Variants in MDGA2 observed in about 807,000 individuals in gnomAD.
The protein encoded by MDGA2 is MAM domain-containing glycosylphosphatidylinositol anchor protein 2.
In MDGA2, 40 loss-of-function variants were observed where a neutral mutation model predicts 117.8. The observed-to-expected ratio is 0.34, with a 90% CI of 0.26 to 0.44. The LOEUF is 0.44. Ranked by LOEUF, MDGA2 falls within the 20% of genes least tolerant of loss-of-function variation. MDGA2 has a pLI of 1.00. For missense variants in MDGA2, 1,123 were observed against 1,250.6 expected (o/e 0.90, Z 1.54); for synonymous variants, 452 against 439.0 (o/e 1.03, Z -0.37).
intron 1 of MDGA2, among the ~76,000 whole-genome samples, chr14:47,565,889 C>T (rs548405056): frequency 3.3e-5 from 5 of 152,132 alleles, no homozygotes; most frequent in South Asian, 4.1e-4. Flanking sequence ...AATGGGGGTG[C>T]GGATGTCCTT....
intron 8 of MDGA2, among the ~76,000 whole-genome samples, chr14:46,970,336 C>T (rs59434148): frequency 0.12 from 18,022 of 151,960 alleles, 2,039 homozygotes; most frequent in African/African-American, 0.27. Flanking sequence ...AACAGTATAG[C>T]AGTCGTATAA....
At chr14:47,623,241 T>A (rs1352548334) in intron 1 of MDGA2, among the ~76,000 whole-genome samples, 1 of 152,132 alleles carries the variant, frequency 6.6e-6, no homozygotes, top group Non-Finnish European at 1.5e-5. Context: ...AGGCCCTCAC[T>A]AGATGCCAGC....
At chr14:47,401,694 CA>C (rs1892152749) in intron 1 of MDGA2, among the ~76,000 whole-genome samples, 2 of 152,190 alleles carry the variant, frequency 1.3e-5, no homozygotes, top group South Asian at 4.1e-4. Flanking sequence ...TCTACTCAAT[CA>C]GATCAATTCA....
rs527309328 is a variant in MDGA2, at chr14:46,993,294, T to C, written c.1820-35651A>G. ...CAATTTGCCTTCTCTATCAACATTT[T>C]ACTTCCAGAAAGGTTATTTACTTCC... On this transcript the variant is annotated intron_variant, in intron 8 of 16. Coordinates refer to ENST00000399232, the MANE Select transcript of MDGA2 (RefSeq NM_001113498.3). 4.7e-4 allele frequency among the ~76,000 whole-genome samples: 72 copies of C among 152,312 alleles called. 1 individual carries two copies. The highest frequency in any genetic ancestry group is 9.4e-4 in the Non-Finnish European group (64 of 68,020).
chr14:47,360,717 G>C (rs1891101863), intron 1 of MDGA2, among the ~76,000 whole-genome samples: 1 of 152,090 alleles, frequency 6.6e-6, no homozygotes, highest in African/African-American at 2.4e-5. Flanking sequence ...CAATCCCTCT[G>C]TAGATATATA....
intron 3 of MDGA2, among the ~76,000 whole-genome samples, chr14:47,167,143 C>T (rs991310379): frequency 9.2e-5 from 14 of 152,066 alleles, no homozygotes; most frequent in South Asian, 2.1e-4. Flanking sequence ...CTAGAATTAG[C>T]TTCCAAATGC....
chr14:47,102,059 A>ATAGG (rs753635616), intron 5 of MDGA2, among the ~76,000 whole-genome samples: 2 of 152,126 alleles, frequency 1.3e-5, no homozygotes, highest in Non-Finnish European at 1.5e-5. Flanking sequence ...ACCTAACATA[A>ATAGG]TAGGTAAATA....
chr14:47,467,303 C>A (rs1357188102), intron 1 of MDGA2, among the ~76,000 whole-genome samples: 1 of 151,954 alleles, frequency 6.6e-6, no homozygotes, highest in Non-Finnish European at 1.5e-5. Flanking sequence ...GCTGAGATTG[C>A]TATGCTAGAA....
intron 16 of MDGA2, among the ~76,000 whole-genome samples, chr14:46,844,197 G>T (rs76796178): frequency 0.019 from 2,897 of 152,256 alleles, 97 homozygotes; most frequent in African/African-American, 0.066. Context: ...AGCTTGTGGT[G>T]CAGATAGGAG....
At chr14:47,252,736 G>A (rs892774027) in intron 2 of MDGA2, among the ~76,000 whole-genome samples, 1 of 152,140 alleles carries the variant, frequency 6.6e-6, no homozygotes, top group Non-Finnish European at 1.5e-5. Context: ...AACTGGCAAA[G>A]GAGTGAGGAG....
At chr14:47,664,222 G>A (rs1566564819) in intron 1 of MDGA2, among the ~76,000 whole-genome samples, 2 of 152,140 alleles carry the variant, frequency 1.3e-5, no homozygotes, top group African/African-American at 4.8e-5. Flanking sequence ...TACTTAAAGT[G>A]TTTAAAAATA....
At chr14:47,525,767 T>C (rs1264252291) in intron 1 of MDGA2, among the ~76,000 whole-genome samples, 1 of 152,180 alleles carries the variant, frequency 6.6e-6, no homozygotes, top group East Asian at 1.9e-4. Context: ...GCAGCAGTTT[T>C]ATTATGGTGT....
At chr14:47,435,677 A>G (rs925176196) in intron 1 of MDGA2, among the ~76,000 whole-genome samples, 1 of 152,120 alleles carries the variant, frequency 6.6e-6, no homozygotes, top group Non-Finnish European at 1.5e-5. Flanking sequence ...ACAACTCACA[A>G]GTATTAAAGG....
At chr14:47,400,535 C>T (rs1289837693) in intron 1 of MDGA2, among the ~76,000 whole-genome samples, 1 of 151,166 alleles carries the variant, frequency 6.6e-6, no homozygotes, top group Admixed American at 6.6e-5. Context: ...ATGAACAAAA[C>T]GCTGGAAGAA....
chr14:47,213,564 A>C (rs761506272), intron 3 of MDGA2, among the ~76,000 whole-genome samples: 12 of 152,268 alleles, frequency 7.9e-5, no homozygotes, highest in Non-Finnish European at 1.8e-4. Context: ...TTGATCTGCT[A>C]GATAAATACT....
At chr14:47,649,731 T>G (rs1048850022) in intron 1 of MDGA2, among the ~76,000 whole-genome samples, 7 of 151,514 alleles carry the variant, frequency 4.6e-5, no homozygotes, top group African/African-American at 1.2e-4. Flanking sequence ...CACAAATATA[T>G]AGAGCATAAT....
At chr14:47,194,486 T>C (rs1169232825) in intron 3 of MDGA2, among the ~76,000 whole-genome samples, 2 of 152,116 alleles carry the variant, frequency 1.3e-5, no homozygotes, top group Non-Finnish European at 2.9e-5. Flanking sequence ...CTTTTAAAAA[T>C]AGGGATTATC....
At chr14:46,927,876 A>C (rs369730353) in intron 9 of MDGA2, among the ~76,000 whole-genome samples, 1 of 152,166 alleles carries the variant, frequency 6.6e-6, no homozygotes, top group East Asian at 1.9e-4. Context: ...ATTAAGGCAG[A>C]CTACCCTGCG....
At chr14:47,201,122 G>C (rs1302851683) in intron 3 of MDGA2, 2 of 771,528 alleles carry the variant, frequency 2.6e-6, no homozygotes, top group Non-Finnish European at 4.8e-6. Context: ...AGCAGCTTGG[G>C]AAAGCCCTTT....
Sources: allele counts gnomAD v4.1 joint callset (sites outside exome capture counted in the v4.1 genomes callset), GRCh38; gene constraint gnomAD v4.1.1; transcripts MANE v1.5; gene names NCBI Gene and HGNC (gene_info 2026-07-23, HGNC 2026-07-21).